The following NRP1 variants were observed in gnomAD, a reference collection of about 807,000 sequenced individuals.
NRP1 encodes neuropilin 1.
In NRP1, 35 loss-of-function variants were observed where a neutral mutation model predicts 106.7. That is an observed-to-expected ratio of 0.33 (90% confidence interval 0.25 to 0.43). The LOEUF (loss-of-function observed/expected upper bound fraction) is 0.43. NRP1 is among the 20% of genes least tolerant of loss of function. NRP1 has a pLI of 1.00. For synonymous variants in NRP1, 437 were observed against 417.9 expected, an observed-to-expected ratio of 1.05 and a Z score of -0.56; for missense variants, 1,024 against 1,170.4, an observed-to-expected ratio of 0.87 and a Z score of 1.83.
intron 1 of NRP1, among the ~76,000 whole-genome samples, chr10:33,333,140 C>T (rs957141645): frequency 1.3e-5 from 2 of 152,132 alleles, no homozygotes; most frequent in African/African-American, 4.8e-5. Flanking sequence ...TTGAATTCTA[C>T]ATTCATAATT....
intron 10 of NRP1, chr10:33,206,388 A>G (rs1837784942): frequency 2.0e-6 from 1 of 510,670 alleles, no homozygotes; most frequent in African/African-American, 1.9e-5. Context: ...ATGACTACAG[A>G]TATGGAAACA....
intron 15 of NRP1, 104 bp downstream of exon 15, chr10:33,185,524 C>T (rs1835945530): frequency 6.0e-6 from 5 of 827,872 alleles, no homozygotes; most frequent in Non-Finnish European, 9.8e-6. Context: ...CGAGAGGCCA[C>T]ACCGAAATTC....
At chr10:33,287,138 A>C (rs1404601509) in intron 2 of NRP1, among the ~76,000 whole-genome samples, 1 of 152,230 alleles carries the variant, frequency 6.6e-6, no homozygotes, top group Non-Finnish European at 1.5e-5. Context: ...ACAGGTTAAC[A>C]GCTCAAATAC....
At chr10:33,265,555 G>C (rs550351722) in intron 3 of NRP1, among the ~76,000 whole-genome samples, 1 of 152,362 alleles carries the variant, frequency 6.6e-6, no homozygotes, top group East Asian at 1.9e-4. Flanking sequence ...AATACCAACA[G>C]AGTGCATCTG....
At chr10:33,202,595 A>C (rs577185144) in intron 11 of NRP1, 1 of 1,458,686 alleles carries the variant, frequency 6.9e-7, no homozygotes. Context: ...TAATGAAAAT[A>C]AGGATCGGTT....
At chr10:33,306,161 C>A (rs1465159601) in intron 2 of NRP1, among the ~76,000 whole-genome samples, 1 of 152,090 alleles carries the variant, frequency 6.6e-6, no homozygotes, top group Non-Finnish European at 1.5e-5. Flanking sequence ...ATCCATTTTT[C>A]CCCCCAACTC....
chr10:33,235,670 C>T lies in NRP1; in HGVS notation c.982-9381G>A, dbSNP rs536754584. On this transcript the variant is annotated intron_variant, in intron 6 of 16. Coordinates refer to ENST00000374867, the MANE Select transcript of NRP1 (RefSeq NM_003873.7). ...ACATTCCTCTCTTACTTGATAAACC[C>T]GTAAAAATCTGGACACCAGGACACA... Among the ~76,000 whole-genome samples the T allele has an allele frequency of 3.9e-5, 6 of 152,180 alleles. No homozygotes were observed. The East Asian group carries it at 5.8e-4, about 15-fold the overall frequency.
intron 2 of NRP1, among the ~76,000 whole-genome samples, chr10:33,325,490 C>T (rs1377491437): frequency 6.6e-6 from 1 of 152,114 alleles, no homozygotes; most frequent in African/African-American, 2.4e-5. Flanking sequence ...ATGGAACTTA[C>T]ACTCCAAAAA....
intron 2 of NRP1, among the ~76,000 whole-genome samples, chr10:33,271,820 T>C (rs996610899): frequency 3.9e-5 from 6 of 152,226 alleles, no homozygotes; most frequent in Non-Finnish European, 8.8e-5. Context: ...TTTGGTGTTA[T>C]GTATTTCTTA....
intron 9 of NRP1, 117 bp downstream of exon 9, chr10:33,213,269 C>T (rs763677517): frequency 7.4e-6 from 12 of 1,612,174 alleles, no homozygotes; most frequent in African/African-American, 1.3e-5. Context: ...CATCACACAC[C>T]TCCTCTAATG....
chr10:33,320,636 T>TA (rs1847432301), intron 2 of NRP1, among the ~76,000 whole-genome samples: 3 of 152,226 alleles, frequency 2.0e-5, no homozygotes, highest in Admixed American at 2.0e-4. Context: ...CCATATGACC[T>TA]ACTGTGGGTC....
rs560211682 is a variant in NRP1 at position 33,320,907 on chromosome 10, A to G, written c.248+9801T>C. On this transcript the variant is annotated intron_variant, in intron 2 of 16. Transcript: ENST00000374867. ...GCTGGAAGGCAAAATAGAGTGCTGC[A>G]GTCAGACTGTCACATTAACTGGAAT... Among the ~76,000 whole-genome samples the G allele has an allele frequency of 3.9e-5, 6 of 152,322 alleles. No individual in the cohort carries two copies. The East Asian group carries it at 1.2e-3, about 29-fold the overall frequency.
At chr10:33,202,501 C>G in intron 11 of NRP1, 4 of 1,161,900 alleles carry the variant, frequency 3.4e-6, no homozygotes, top group Non-Finnish European at 3.4e-6. Flanking sequence ...AAAAACTTGT[C>G]CTCATTAGAA....
At chr10:33,203,991 C>CTTTGAATTTGCAGTTGAAA (rs1394752670) in intron 10 of NRP1, among the ~76,000 whole-genome samples, 1 of 151,746 alleles carries the variant, frequency 6.6e-6, no homozygotes, top group Non-Finnish European at 1.5e-5. Flanking sequence ...CCACCCGCCT[C>CTTTGAATTTGCAGTTGAAA]GGCCTCCCAA....
intron 8 of NRP1, among the ~76,000 whole-genome samples, chr10:33,217,528 G>A (rs1838874213): frequency 6.6e-6 from 1 of 152,162 alleles, no homozygotes; most frequent in African/African-American, 2.4e-5. Context: ...TTCATAGCAG[G>A]CTGGTACAGG....
intron 3 of NRP1, among the ~76,000 whole-genome samples, chr10:33,265,143 CA>C (rs1289997064): frequency 6.6e-6 from 1 of 151,792 alleles, no homozygotes; most frequent in Non-Finnish European, 1.5e-5. Context: ...AAACAAACAA[CA>C]ACCAAAAAAA....
intron 6 of NRP1, among the ~76,000 whole-genome samples, chr10:33,248,289 C>A (rs1026065147): frequency 6.0e-5 from 9 of 150,910 alleles, no homozygotes; most frequent in African/African-American, 2.0e-4. Context: ...GACTCTGTCT[C>A]AAGAAAAAAG....
intron 2 of NRP1, among the ~76,000 whole-genome samples, chr10:33,315,170 A>G (rs895090888): frequency 1.3e-5 from 2 of 152,246 alleles, no homozygotes; most frequent in Admixed American, 6.5e-5. Flanking sequence ...TAAGACAGAA[A>G]GAAAAACTTT....
chr10:33,312,713 A>G (rs975965834), intron 2 of NRP1, among the ~76,000 whole-genome samples: 11 of 152,230 alleles, frequency 7.2e-5, no homozygotes, highest in Non-Finnish European at 1.5e-4. Flanking sequence ...AAATAGATAC[A>G]TAGCTTATTA....
Sources: gnomAD v4.1 joint callset for allele counts (sites outside exome capture counted in the v4.1 genomes callset) on GRCh38, gnomAD v4.1.1 for gene constraint, MANE v1.5 for transcripts, NCBI Gene and HGNC (gene_info 2026-07-23, HGNC 2026-07-21) for gene names.